The following GNAL variants were observed in gnomAD, a reference collection of about 807,000 sequenced individuals.
GNAL encodes G protein subunit alpha L, also known as guanine nucleotide-binding protein G(olf) subunit alpha.
GNAL carries 18 observed loss-of-function variants against 55.1 expected under a neutral mutation model. The ratio of observed to expected loss-of-function variants is 0.33; its 90% CI spans 0.23 to 0.48. GNAL has a LOEUF of 0.48. Among genes scored for constraint, GNAL ranks in the 20% least tolerant of loss-of-function variants. GNAL has a pLI of 0.99. For missense variants in GNAL, 412 were observed against 614.1 expected (o/e 0.67, Z 3.48); for synonymous variants, 253 against 237.0 (o/e 1.07, Z -0.62).
intron 4 of GNAL, among the ~76,000 whole-genome samples, chr18:11,804,777 G>A (rs1319845154): frequency 5.7e-5 from 7 of 122,750 alleles, no homozygotes; most frequent in South Asian, 2.8e-4. Context: ...TGCAGTTTGA[G>A]TGGAACACGG....
intron 4 of GNAL, among the ~76,000 whole-genome samples, chr18:11,755,178 G>A: frequency 6.6e-6 from 1 of 152,220 alleles, no homozygotes; most frequent in Middle Eastern, 3.2e-3. Context: ...CTGCCTGCAA[G>A]GGCTGTGGCC....
intron 1 of GNAL, among the ~76,000 whole-genome samples, chr18:11,736,552 T>C (rs1338171588): frequency 6.6e-6 from 1 of 152,234 alleles, no homozygotes; most frequent in Non-Finnish European, 1.5e-5. Context: ...AACCCCTGTT[T>C]GCAGAAGGTG....
At chr18:11,835,779 A>G (rs2035484825) in intron 5 of GNAL, among the ~76,000 whole-genome samples, 1 of 152,188 alleles carries the variant, frequency 6.6e-6, no homozygotes, top group Admixed American at 6.5e-5. Context: ...CTTCCAAGGA[A>G]TCCAGGGAAC....
At chr18:11,694,877 C>T (rs2031360601) in intron 1 of GNAL, among the ~76,000 whole-genome samples, 3 of 152,168 alleles carry the variant, frequency 2.0e-5, no homozygotes, top group South Asian at 2.1e-4. Flanking sequence ...CAAACGGCCA[C>T]GTTCTCACAG....
At chr18:11,742,095 C>T (rs964631073) in intron 1 of GNAL, among the ~76,000 whole-genome samples, 20 of 152,172 alleles carry the variant, frequency 1.3e-4, no homozygotes, top group Non-Finnish European at 5.9e-5. Flanking sequence ...TTTTGCTTAC[C>T]CATTCGCCCA....
chr18:11,740,054 A>C (rs2032543039), intron 1 of GNAL, among the ~76,000 whole-genome samples: 1 of 151,934 alleles, frequency 6.6e-6, no homozygotes, highest in Non-Finnish European at 1.5e-5. Context: ...CTTTGGCTAG[A>C]GTCCTCCCTT....
intron 1 of GNAL, among the ~76,000 whole-genome samples, chr18:11,700,015 A>G (rs1018484025): frequency 1.3e-5 from 2 of 152,222 alleles, no homozygotes; most frequent in Non-Finnish European, 2.9e-5. Flanking sequence ...TGCTCTAAAT[A>G]ATAGGCTTCT....
chr18:11,716,235 G>A (rs558346968), intron 1 of GNAL, among the ~76,000 whole-genome samples: 4 of 152,284 alleles, frequency 2.6e-5, no homozygotes, highest in South Asian at 2.1e-4. Flanking sequence ...ATGAAGCCGC[G>A]GACCCTCGCG....
chr18:11,854,222 T>A (rs2035950350), intron 5 of GNAL: 1 of 167,122 alleles, frequency 6.0e-6, no homozygotes, highest in Non-Finnish European at 1.5e-5. Context: ...AATGCACATA[T>A]TCCCAACAAA....
intron 4 of GNAL, chr18:11,810,717 A>G (rs1172530716): frequency 6.6e-6 from 1 of 152,400 alleles, no homozygotes; most frequent in Admixed American, 6.5e-5. Flanking sequence ...TGTTTATGGC[A>G]GTATTCTGCT....
At chr18:11,786,553 A>T (rs2034066993) in intron 4 of GNAL, among the ~76,000 whole-genome samples, 1 of 129,062 alleles carries the variant, frequency 7.7e-6, no homozygotes, top group Admixed American at 9.8e-5. Flanking sequence ...GGTTTATGCC[A>T]TTCTCCTGCC....
chr18:11,788,094 A>T (rs1326045109), intron 4 of GNAL, among the ~76,000 whole-genome samples: 2 of 152,130 alleles, frequency 1.3e-5, no homozygotes, highest in African/African-American at 4.8e-5. Flanking sequence ...ATCGGGCCTT[A>T]GATATCTTAC....
chr18:11,746,792 G>A (rs1455188287), intron 1 of GNAL: 2 of 443,862 alleles, frequency 4.5e-6, no homozygotes, highest in African/African-American at 2.0e-5. Context: ...GACTGGCATG[G>A]AGGGCAGCCC....
chr18:11,807,209 G>T (rs562861558), intron 4 of GNAL, among the ~76,000 whole-genome samples: 2 of 151,818 alleles, frequency 1.3e-5, no homozygotes, highest in Non-Finnish European at 2.9e-5. Flanking sequence ...CTACATCCTC[G>T]CAAAGGACAT....
intron 1 of GNAL, among the ~76,000 whole-genome samples, chr18:11,696,907 A>T (rs985059076): frequency 3.9e-5 from 6 of 152,150 alleles, no homozygotes; most frequent in Non-Finnish European, 8.8e-5. Flanking sequence ...GGCGTATGTG[A>T]TGGTTAGAGC....
chr18:11,795,505 A>G (rs1228307800), intron 4 of GNAL, among the ~76,000 whole-genome samples: 1 of 152,214 alleles, frequency 6.6e-6, no homozygotes, highest in African/African-American at 2.4e-5. Flanking sequence ...TAATTTATAA[A>G]TATTGCAGTG....
intron 6 of GNAL, among the ~76,000 whole-genome samples, chr18:11,864,150 G>A (rs1475705511): frequency 2.0e-5 from 3 of 147,162 alleles, no homozygotes; most frequent in Admixed American, 6.8e-5. Flanking sequence ...GCAATGGCGC[G>A]ATCTCAGCTC....
At chr18:11,862,885 T>A (rs2036179856) in intron 6 of GNAL, among the ~76,000 whole-genome samples, 1 of 150,768 alleles carries the variant, frequency 6.6e-6, no homozygotes. Context: ...CCACCATTTT[T>A]TTTTTTTTTT....
intron 5 of GNAL, among the ~76,000 whole-genome samples, chr18:11,858,156 A>G (rs1216221213): frequency 6.6e-6 from 1 of 152,224 alleles, no homozygotes; most frequent in African/African-American, 2.4e-5. Context: ...TGGGATATAA[A>G]CAGTGCATTG....
Sources: allele counts gnomAD v4.1 joint callset (sites outside exome capture counted in the v4.1 genomes callset), GRCh38; gene constraint gnomAD v4.1.1; transcripts MANE v1.5; gene names NCBI Gene and HGNC (gene_info 2026-07-23, HGNC 2026-07-21).